Variants in ATAD3B observed in about 807,000 individuals in gnomAD.
The protein encoded by ATAD3B is ATPase family AAA domain-containing protein 3B.
In ATAD3B, 59 loss-of-function variants were observed where a neutral mutation model predicts 70.2. That is an observed-to-expected ratio of 0.84 (90% CI 0.68 to 1.04). The LOEUF (loss-of-function observed/expected upper bound fraction) is 1.04, where lower values mean the gene tolerates loss of function less well. ATAD3B is among the 50% of genes least tolerant of loss of function. The pLI, the probability that ATAD3B is intolerant of heterozygous loss-of-function variation, is 0.00. For synonymous variants in ATAD3B, 423 were observed against 388.6 expected, an observed-to-expected ratio of 1.09 and a Z score of -1.04; for missense variants, 961 against 913.4, an observed-to-expected ratio of 1.05 and a Z score of -0.67.
In ATAD3B at chr1:1,490,718, G is replaced by A. The variant is rs112579524; in HGVS notation, c.1614+47G>A. The A allele has an allele frequency of 7.9e-3, 12,118 of 1,542,792 alleles. 812 individuals are homozygous for A. In the African/African-American group the frequency reaches 0.14, roughly 18 times the overall value. ...CCACCCAGACGGGACCCCAGCTGCT[G>A]TGGAGATGCTCAGTTGCGCCAGGCC... On this transcript the variant is annotated intron_variant, in intron 15 of 15. Coordinates refer to ENST00000673477, the MANE Select transcript of ATAD3B (RefSeq NM_031921.6).
chr1:1,488,982 C>CA lies in ATAD3B; in HGVS notation c.1267-219dup, dbSNP rs1251030405. Among the ~76,000 whole-genome samples the CA allele has an allele frequency of 3.9e-5, 6 of 152,038 alleles. 1 individual carries two copies. Among genetic ancestry groups the CA allele is most frequent in the Middle Eastern group, 6.8e-3 (2 of 294 alleles). ...CTCACCATGTTGGCCAGGCTGGTCT[C>CA]AAACTCCCTACCTCAGGTGATCCGC... On this transcript the variant is annotated intron_variant, in intron 12 of 15. Coordinates refer to ENST00000673477, the MANE Select transcript of ATAD3B (RefSeq NM_031921.6).
At chr1:1,479,503 C>G (rs1639785871) in intron 4 of ATAD3B, among the ~76,000 whole-genome samples, 1 of 142,886 alleles carries the variant, frequency 7.0e-6, no homozygotes, top group Non-Finnish European at 1.5e-5. Context: ...TACACAGGGG[C>G]ATGGACAGAC....
Position 1,495,534 on chromosome 1 carries a change from A to T in ATAD3B, c.1664A>T (p.Asp555Val). Reference protein sequence around the residue: ...KDGVLTEAMMDACVQDAVQQY... With the variant: ...KDGVLTEAMMVACVQDAVQQY... ...GGGGTCCTCACTGAGGCCATGATGG[A>T]CGCCTGTGTGCAAGATGCTGTCCAG... The change falls in exon 16 of 16, where the codon GAC (aspartate) becomes GTC (valine). Residue 555 changes from aspartate (D) to valine (V), a missense_variant. By Grantham distance (152) the Asp-to-Val change is radical. This residue lies in a region of ATAD3B where 417 missense variants were observed against 335.0 expected (regional missense o/e 1.24). Coordinates refer to ENST00000673477, the MANE Select transcript of ATAD3B (RefSeq NM_031921.6). 6.2e-7 allele frequency: 1 copy of T among 1,612,606 alleles called. No homozygotes were observed. The highest frequency in any genetic ancestry group is 1.7e-5 in the Admixed American group (1 of 59,942).
chr1:1,487,000 C>T (rs1326349324), intron 11 of ATAD3B, among the ~76,000 whole-genome samples: 1 of 151,276 alleles, frequency 6.6e-6, no homozygotes, highest in African/African-American at 2.4e-5. Context: ...TGCAGGTGGG[C>T]GTGGGCACTG....
downstream of ATAD3B, among the ~76,000 whole-genome samples, chr1:1,502,102 C>A (rs1424490459): frequency 1.3e-5 from 2 of 152,044 alleles, no homozygotes; most frequent in African/African-American, 2.4e-5. Context: ...TGGTCTTGAA[C>A]TCCTGACCTC....
rs770357971 is a variant in ATAD3B at position 1,489,239 on chromosome 1, C to T, written c.1302C>T (p.Asn434=). ...EISKDLRATL[N]AFLYHMGQHS... ...GCAAGGACCTCAGAGCCACACTGAA[C>T]GCCTTCCTGTACCACATGGGCCAAC... Residue 434 remains asparagine, a synonymous_variant, in exon 13 of 16, where the codon AAC becomes AAT. Transcript: ENST00000673477. The T allele has an allele frequency of 2.1e-5, 34 of 1,613,508 alleles. 1 individual carries two copies. The highest frequency in any genetic ancestry group is 6.7e-5 in the African/African-American group (5 of 74,920).
rs1248080179 is a variant in ATAD3B at position 1,480,112 on chromosome 1, C to T, written c.445-755C>T. Among the ~76,000 whole-genome samples the T allele has an allele frequency of 4.8e-5, 7 of 146,160 alleles. 1 individual carries two copies. The highest frequency in any genetic ancestry group is 7.7e-5 in the African/African-American group (3 of 38,778). ...GCGCACACCGCCGCAAACACACACACGGGCACGTGTACGCACCCCCACTCA... is the reference window on the plus strand; with the variant it reads ...GCGCACACCGCCGCAAACACACACATGGGCACGTGTACGCACCCCCACTCA... On this transcript the variant is annotated intron_variant, in intron 4 of 15. Transcript: ENST00000673477.
chr1:1,489,172 T>C, intron 12 of ATAD3B, 32 bp from the exon 13 acceptor site: 1 of 1,612,882 alleles, frequency 6.2e-7, no homozygotes, highest in Non-Finnish European at 8.5e-7. Context: ...GCTTTGCTTC[T>C]GGTGCCTAAG....
At chr1:1,476,554 G>A (rs1397194484) in intron 1 of ATAD3B, among the ~76,000 whole-genome samples, 1 of 151,130 alleles carries the variant, frequency 6.6e-6, no homozygotes. Flanking sequence ...TGTCTCCCCC[G>A]CTGGAGTGCA....
At chr1:1,501,545 G>A (rs1243971229), downstream of ATAD3B, among the ~76,000 whole-genome samples, 6 of 152,078 alleles carry the variant, frequency 3.9e-5, no homozygotes, top group African/African-American at 9.7e-5. Context: ...GTGAGCCACC[G>A]TGCCCGGCCT....
At chr1:1,501,701 C>T (rs1640948861), downstream of ATAD3B, among the ~76,000 whole-genome samples, 1 of 152,002 alleles carries the variant, frequency 6.6e-6, no homozygotes. Context: ...TCTATTTCCA[C>T]AAGAGTTTTT....
chr1:1,489,551 C>A, intron 13 of ATAD3B: 4 of 999,342 alleles, frequency 4.0e-6, no homozygotes, highest in South Asian at 1.6e-5. Context: ...TAGATTTCTG[C>A]GGTCCTGTGC....
In ATAD3B at chr1:1,482,323, G is replaced by T; in HGVS notation, c.680+20G>T. 2 of 1,559,850 alleles carry T rather than the reference G, an allele frequency of 1.3e-6. No homozygotes were observed. The highest frequency in any genetic ancestry group is 1.2e-5 in the South Asian group (1 of 81,902). ...CATCAGGTGAGCACTGCCCAGGCCCGGGCCGGCCACAGATGGAGCCCCGCA... is the reference window on the plus strand; with the variant it reads ...CATCAGGTGAGCACTGCCCAGGCCCTGGCCGGCCACAGATGGAGCCCCGCA... On this transcript the variant is annotated intron_variant, in intron 6 of 15. Transcript: ENST00000673477.
intron 15 of ATAD3B, among the ~76,000 whole-genome samples, chr1:1,492,141 G>GTGC (rs1448520885): frequency 6.6e-6 from 1 of 151,734 alleles, no homozygotes; most frequent in African/African-American, 2.4e-5. Context: ...AGCTGTGATT[G>GTGC]TGCCACTGCA....
chr1:1,494,927 G>A (rs986323794), intron 15 of ATAD3B, among the ~76,000 whole-genome samples: 6 of 152,174 alleles, frequency 3.9e-5, no homozygotes, highest in African/African-American at 1.2e-4. Context: ...CAGAAGGGCT[G>A]CTGCACCTGA....
downstream of ATAD3B, among the ~76,000 whole-genome samples, chr1:1,500,409 G>A (rs1446465917): frequency 3.4e-5 from 5 of 146,694 alleles, no homozygotes; most frequent in East Asian, 2.1e-4. Flanking sequence ...AAAAATAGCC[G>A]GGCGTGGTGG....
the ATAD3B span, among the ~76,000 whole-genome samples, chr1:1,506,792 T>C: frequency 4.1e-5 from 6 of 147,964 alleles, no homozygotes; most frequent in Middle Eastern, 3.2e-3. Flanking sequence ...TTTTTCTTTT[T>C]TTTTTTTTTT....
At chr1:1,493,480 C>T (rs1191182909) in intron 15 of ATAD3B, among the ~76,000 whole-genome samples, 6 of 151,688 alleles carry the variant, frequency 4.0e-5, no homozygotes, top group East Asian at 3.9e-4. Context: ...TCGCTTTTGC[C>T]GCCCAGGCTG....
At chr1:1,481,880 G>T (rs982404830) in intron 5 of ATAD3B, among the ~76,000 whole-genome samples, 2 of 152,114 alleles carry the variant, frequency 1.3e-5, no homozygotes, top group African/African-American at 4.8e-5. Flanking sequence ...GGAGTGGGTC[G>T]GTCCATGGCC....
Sources: allele counts gnomAD v4.1 joint callset (sites outside exome capture counted in the v4.1 genomes callset), GRCh38; gene constraint gnomAD v4.1.1; regional missense constraint gnomAD v4.1.1; transcripts MANE v1.5; gene names NCBI Gene and HGNC (gene_info 2026-07-23, HGNC 2026-07-21).